Variants in MGAM2 observed in about 807,000 individuals in gnomAD.
The protein encoded by MGAM2 is probable maltase-glucoamylase 2.
A neutral mutation model predicts 96.1 loss-of-function variants in MGAM2; 98 were observed. That is an observed-to-expected ratio of 1.02 (90% CI 0.87 to 1.21). The LOEUF is 1.21. MGAM2 is among the 50% of genes most tolerant of loss of function. The pLI, the probability that MGAM2 is intolerant of heterozygous loss-of-function variation, is 0.00. For missense variants in MGAM2, 2,055 were observed against 1,182.4 expected (o/e 1.74, Z -10.82); for synonymous variants, 749 against 414.8 (o/e 1.81, Z -9.79).
At chr7:142,151,646 G>A (rs1360386118) in intron 15 of MGAM2, among the ~76,000 whole-genome samples, 1 of 152,206 alleles carries the variant, frequency 6.6e-6, no homozygotes, top group Non-Finnish European at 1.5e-5. Context: ...AGGGTTGGAG[G>A]AGGGGAAGAA....
intron 25 of MGAM2, among the ~76,000 whole-genome samples, chr7:142,166,907 G>A (rs1485818984): frequency 6.6e-6 from 1 of 152,146 alleles, no homozygotes; most frequent in Admixed American, 6.5e-5. Context: ...TCCTTCTGAG[G>A]ACCTTGAGGG....
intron 6 of MGAM2, among the ~76,000 whole-genome samples, 151 bp downstream of exon 6, chr7:142,132,236 G>A (rs1456904806): frequency 2.0e-5 from 3 of 151,222 alleles, no homozygotes; most frequent in African/African-American, 7.3e-5. Context: ...TAAAATAACA[G>A]TGTTAGCCTA....
At chr7:142,155,648 A>T (rs534524211) in intron 17 of MGAM2, among the ~76,000 whole-genome samples, 1 of 152,264 alleles carries the variant, frequency 6.6e-6, no homozygotes, top group South Asian at 2.1e-4. Context: ...CTAGAGAGAG[A>T]TGAACTATTT....
intron 25 of MGAM2, 39 bp downstream of exon 25, chr7:142,166,292 G>C: frequency 3.0e-6 from 2 of 664,774 alleles, no homozygotes; most frequent in Non-Finnish European, 5.4e-6. Context: ...TGATTAGGAA[G>C]TAATTAGGCA....
At chr7:142,153,815 G>C (rs1268774246) in intron 15 of MGAM2, among the ~76,000 whole-genome samples, 1 of 152,200 alleles carries the variant, frequency 6.6e-6, no homozygotes, top group African/African-American at 2.4e-5. Context: ...ATAGAGGTTT[G>C]TACTGTCTTA....
chr7:142,145,102 G>A (rs1387392031), intron 14 of MGAM2, among the ~76,000 whole-genome samples, 157 bp downstream of exon 14: 1 of 152,068 alleles, frequency 6.6e-6, no homozygotes, highest in African/African-American at 2.4e-5. Flanking sequence ...AGCAGTGTTG[G>A]GTCTCTGATT....
At chr7:142,191,353 G>A (rs993602787) in intron 37 of MGAM2, among the ~76,000 whole-genome samples, 1 of 151,920 alleles carries the variant, frequency 6.6e-6, no homozygotes, top group African/African-American at 2.4e-5. Flanking sequence ...CATATTCAAG[G>A]AACTATTACC....
intron 10 of MGAM2, among the ~76,000 whole-genome samples, chr7:142,139,019 G>A (rs144339618): frequency 1.4e-3 from 217 of 152,260 alleles, no homozygotes; most frequent in African/African-American, 5.0e-3. Flanking sequence ...GCATGTTGAA[G>A]CATCTAGCAC....
At position 142,185,064 on chromosome 7, in the gene MGAM2, TC is replaced by T. The variant is rs752267286; in HGVS notation, c.3925-12del. ...GATCTGTAAAGGTTTTAATTGCCCT[TC>T]TTTTTCTCTAGGTTTGGCCAGATCT... On this transcript the variant is annotated splice_polypyrimidine_tract_variant and intron_variant, in intron 33 of 47. Transcript: ENST00000477922. 2 of 702,832 alleles carry T rather than the reference TC, an allele frequency of 2.8e-6. No homozygotes were observed. Among genetic ancestry groups the T allele is most frequent in the South Asian group, 3.0e-5 (2 of 67,542 alleles). 43.5% of individuals were successfully genotyped at this position (702,832 alleles called of 1,614,324 possible).
At chr7:142,161,707 G>A (rs544732337) in intron 22 of MGAM2, among the ~76,000 whole-genome samples, 2 of 152,284 alleles carry the variant, frequency 1.3e-5, no homozygotes, top group Admixed American at 6.5e-5. Context: ...TAGATACAAT[G>A]CACACATAGA....
rs573933162 is a variant in MGAM2, at chr7:142,131,774, C to A, written c.420+147C>A. ...GCAGGCTAATTTTTATTTGATGGGGCACATGTAATTGGGTGATTTCACAAA... is the reference window on the plus strand; with the variant it reads ...GCAGGCTAATTTTTATTTGATGGGGAACATGTAATTGGGTGATTTCACAAA... On this transcript the variant is annotated intron_variant, in intron 5 of 47. Coordinates refer to ENST00000477922, the MANE Select transcript of MGAM2 (RefSeq NM_001293626.2). The A allele has an allele frequency of 8.8e-5, 54 of 616,622 alleles. No homozygotes were observed. The African/African-American group carries it at 9.2e-4, about 11-fold the overall frequency. The allele number at this position is 616,622 out of a possible 1,614,324, so 38.2% of individuals were successfully genotyped here. A position where few individuals can be genotyped will look rare whatever the true frequency, so the allele number is the denominator to read the frequency against.
chr7:142,162,933 C>T (rs961740384), intron 23 of MGAM2, among the ~76,000 whole-genome samples: 1 of 151,926 alleles, frequency 6.6e-6, no homozygotes, highest in Non-Finnish European at 1.5e-5. Flanking sequence ...ATAGCATGTC[C>T]ACTTGCTTCT....
chr7:142,177,564 C>T (rs903611736), intron 32 of MGAM2, among the ~76,000 whole-genome samples: 2 of 152,140 alleles, frequency 1.3e-5, no homozygotes, highest in Non-Finnish European at 2.9e-5. Flanking sequence ...TTATTCCCAC[C>T]TTTATATCTA....
intron 3 of MGAM2, among the ~76,000 whole-genome samples, chr7:142,122,790 T>C (rs1262202512): frequency 6.6e-6 from 1 of 152,194 alleles, no homozygotes; most frequent in Non-Finnish European, 1.5e-5. Context: ...TTCATCCATA[T>C]TTTCAAATTT....
chr7:142,173,980 G>A (rs1186356112), intron 31 of MGAM2, among the ~76,000 whole-genome samples: 2 of 152,166 alleles, frequency 1.3e-5, no homozygotes, highest in Non-Finnish European at 2.9e-5. Context: ...TAGAAGATCA[G>A]ATAGTTGTAG....
chr7:142,174,503 T>G (rs1007061153), intron 31 of MGAM2, among the ~76,000 whole-genome samples: 1 of 151,960 alleles, frequency 6.6e-6, no homozygotes, highest in African/African-American at 2.4e-5. Context: ...ATGCTAGAGA[T>G]TTTTGTACAT....
At chr7:142,128,180 G>A (rs1794781653) in intron 3 of MGAM2, among the ~76,000 whole-genome samples, 1 of 152,150 alleles carries the variant, frequency 6.6e-6, no homozygotes, top group Admixed American at 6.5e-5. Flanking sequence ...AGATGATTTA[G>A]GGTATCTGGC....
intron 32 of MGAM2, among the ~76,000 whole-genome samples, chr7:142,179,367 G>A (rs544905129): frequency 1.3e-5 from 2 of 152,158 alleles, no homozygotes; most frequent in East Asian, 1.9e-4. Flanking sequence ...TTGCCTGATT[G>A]CTCTGGCTAG....
In MGAM2 at chr7:142,221,655, A is replaced by T. The variant is rs1797933143; in HGVS notation, c.7144A>T (p.Thr2382Ser). 8.9e-6 allele frequency: 4 copies of T among 451,614 alleles called. No individual in the cohort carries two copies. The highest frequency in any genetic ancestry group is 1.6e-5 in the Non-Finnish European group (4 of 257,714). The allele number at this position is 451,614 out of a possible 1,614,324, so 28.0% of individuals were successfully genotyped here. Residue 2382 changes from threonine (T) to serine (S), a missense_variant, in exon 48 of 48, where the codon ACA becomes TCA. Thr to Ser is a moderately conservative substitution (Grantham distance 58). Transcript: ENST00000477922. ...TTVTSIDKFT[T>S]HITQFATPHS... ...AGTTACTTCCATAGACAAATTCACC[A>T]CACACATCACACAGTTCGCTACTCC...
Sources: allele counts gnomAD v4.1 joint callset (sites outside exome capture counted in the v4.1 genomes callset), GRCh38; gene constraint gnomAD v4.1.1; transcripts MANE v1.5; gene names NCBI Gene and HGNC (gene_info 2026-07-23, HGNC 2026-07-21).